Variants in SMYD1 observed in about 807,000 individuals in gnomAD.
The protein encoded by SMYD1 is histone-lysine N-methyltransferase SMYD1.
In SMYD1, 49 loss-of-function variants were observed where a neutral mutation model predicts 54.0. The ratio of observed to expected loss-of-function variants is 0.91; its 90% CI spans 0.72 to 1.15. The LOEUF is 1.15. Ranked by LOEUF, SMYD1 falls within the 50% of genes most tolerant of loss-of-function variation. The pLI, the probability that SMYD1 is intolerant of heterozygous loss-of-function variation, is 0.00. For synonymous variants in SMYD1, 269 were observed against 234.2 expected, an observed-to-expected ratio of 1.15 and a Z score of -1.36; for missense variants, 653 against 639.6, an observed-to-expected ratio of 1.02 and a Z score of -0.23.
intron 1 of SMYD1, among the ~76,000 whole-genome samples, chr2:88,073,861 C>G (rs1046277573): frequency 6.6e-6 from 1 of 152,076 alleles, no homozygotes; most frequent in Non-Finnish European, 1.5e-5. Flanking sequence ...AACATTTGTT[C>G]TTTTATGAAT....
rs1558862106 is a variant in SMYD1, at chr2:88,112,064, A to G, written c.*1552A>G. ...CACTTTTGCAAAATACTTGTATCTG[A>G]CACTTAGGTCTTGTTTGAAGAATTT... is the stretch of plus-strand genomic sequence containing the variant. On this transcript the variant is annotated 3_prime_UTR_variant, in exon 10 of 10. Coordinates refer to ENST00000419482, the MANE Select transcript of SMYD1 (RefSeq NM_198274.4). The G allele has an allele frequency of 2.8e-6, 2 of 703,134 alleles. No homozygotes were observed. Among genetic ancestry groups the G allele is most frequent in the Non-Finnish European group, 2.6e-6 (1 of 385,040 alleles). 43.6% of individuals were successfully genotyped at this position (703,134 alleles called of 1,614,324 possible).
intron 3 of SMYD1, 77 bp downstream of exon 3, chr2:88,088,152 G>C: frequency 6.9e-7 from 1 of 1,449,060 alleles, no homozygotes; most frequent in Non-Finnish European, 9.3e-7. Flanking sequence ...GGGGAGGGTG[G>C]GGCTTCTCAG....
At chr2:88,096,398 G>A (rs1035000427) in intron 5 of SMYD1, among the ~76,000 whole-genome samples, 197 bp from the exon 6 acceptor site, 2 of 152,204 alleles carry the variant, frequency 1.3e-5, no homozygotes, top group Non-Finnish European at 2.9e-5. Context: ...GGATCAGACG[G>A]TTCTAAGGAA....
chr2:88,110,957 G>A lies in SMYD1; in HGVS notation c.*445G>A. 6.4e-6 allele frequency: 1 copy of A among 156,192 alleles called. No homozygotes were observed. The highest frequency in any genetic ancestry group is 1.4e-5 in the Non-Finnish European group (1 of 70,642). 9.7% of individuals were successfully genotyped at this position (156,192 alleles called of 1,614,324 possible). On this transcript the variant is annotated 3_prime_UTR_variant, in exon 10 of 10. Transcript: ENST00000419482. ...GACATCTGAGTTGAGGGTAGCAGGTGCCTGGAGTCTCAGGTGGCTGCTCAC... is the reference window on the plus strand; with the variant it reads ...GACATCTGAGTTGAGGGTAGCAGGTACCTGGAGTCTCAGGTGGCTGCTCAC...
chr2:88,068,023 C>T (rs752783552), intron 1 of SMYD1, 22 bp downstream of exon 1: 5 of 1,603,088 alleles, frequency 3.1e-6, no homozygotes, highest in Middle Eastern at 1.9e-4. Flanking sequence ...GGGGAGTTGC[C>T]TTCTCTCCTG....
At chr2:88,088,117 C>G (rs1164415151) in intron 3 of SMYD1, 42 bp downstream of exon 3, 1 of 1,550,710 alleles carries the variant, frequency 6.4e-7, no homozygotes, top group Admixed American at 1.9e-5. Context: ...CTGTCTGTCT[C>G]CTCTTTCCTT....
At position 88,108,369 on chromosome 2, in the gene SMYD1, A is replaced by G; in HGVS notation, c.1146-2A>G. 1.3e-6 allele frequency: 2 copies of G among 1,577,600 alleles called. No individual in the cohort carries two copies. Among genetic ancestry groups the G allele is most frequent in the Non-Finnish European group, 1.7e-6 (2 of 1,164,754 alleles). Reference sequence around the variant, plus strand: ...GTATAATTATCTGCTATGCTCCCACAGGAAGCTCTACCACCCCAACAATGC... The same window carrying G: ...GTATAATTATCTGCTATGCTCCCACGGGAAGCTCTACCACCCCAACAATGC... On this transcript the variant is annotated splice_acceptor_variant, in intron 8 of 9. Transcript: ENST00000419482. LOFTEE classifies it high-confidence loss of function.
rs147060610 is a variant in SMYD1, at chr2:88,075,962, A to G, written c.137+7961A>G. Among the ~76,000 whole-genome samples, 104 of 152,264 alleles carry G rather than the reference A, an allele frequency of 6.8e-4. No homozygotes were observed. The East Asian group carries it at 0.015, about 22-fold the overall frequency. ...CCCCACACCGACACATTTGCCTATC[A>G]GTGCCTCTTTCTGGAAGACCTCAAC... On this transcript the variant is annotated intron_variant, in intron 1 of 9. Transcript: ENST00000419482.
rs1481581789 is a variant in SMYD1, at chr2:88,089,583, C to CTCTTTTTTTTTT, written c.529-1428_529-1427insCTTTTTTTTTTT. Among the ~76,000 whole-genome samples, 3 of 115,004 alleles carry CTCTTTTTTTTTT rather than the reference C, an allele frequency of 2.6e-5. 1 individual carries two copies. Among genetic ancestry groups the CTCTTTTTTTTTT allele is most frequent in the African/African-American group, 1.1e-4 (3 of 27,180 alleles). The allele number at this position is 115,004 out of a possible 152,430, so 75.4% of individuals were successfully genotyped here. A position where few individuals can be genotyped will look rare whatever the true frequency, so the allele number is the denominator to read the frequency against. On this transcript the variant is annotated intron_variant, in intron 3 of 9. Transcript: ENST00000419482. ...TATTTTCAGGAGCCAGAGCTTCTAC[C>CTCTTTTTTTTTT]TGTTTTTTTTTTTTTTTTTTTTTTT...
chr2:88,091,975 G>T (rs1674471842), intron 4 of SMYD1, among the ~76,000 whole-genome samples: 1 of 152,190 alleles, frequency 6.6e-6, no homozygotes, highest in African/African-American at 2.4e-5. Context: ...CCACCTCTAG[G>T]CCTGGAAGGG....
intron 1 of SMYD1, among the ~76,000 whole-genome samples, chr2:88,076,245 C>A (rs1171856420): frequency 6.6e-6 from 1 of 152,118 alleles, no homozygotes; most frequent in African/African-American, 2.4e-5. Context: ...GACAGAGTCT[C>A]GCTCTGTCGC....
intron 1 of SMYD1, among the ~76,000 whole-genome samples, chr2:88,081,628 G>T (rs571394239): frequency 7.2e-5 from 11 of 152,080 alleles, no homozygotes; most frequent in South Asian, 4.2e-4. Flanking sequence ...TAGAGACAGG[G>T]TTTTACCATG....
chr2:88,093,025 G>A (rs1039232381), intron 4 of SMYD1, among the ~76,000 whole-genome samples: 1 of 152,196 alleles, frequency 6.6e-6, no homozygotes, highest in South Asian at 2.1e-4. Flanking sequence ...AAGAACCCTA[G>A]ACATGGGGTT....
At chr2:88,087,133 T>C (rs560957065) in intron 2 of SMYD1, among the ~76,000 whole-genome samples, 16 of 147,690 alleles carry the variant, frequency 1.1e-4, no homozygotes, top group African/African-American at 4.0e-4. Flanking sequence ...TGCAGACACC[T>C]ATTACTTCAC....
intron 1 of SMYD1, among the ~76,000 whole-genome samples, chr2:88,073,310 T>C (rs564844085): frequency 3.3e-5 from 5 of 152,328 alleles, no homozygotes; most frequent in African/African-American, 1.2e-4. Context: ...CAATCCACCA[T>C]TGATGGGCAC....
chr2:88,085,770 G>T (rs1013323467), intron 2 of SMYD1, among the ~76,000 whole-genome samples: 2 of 152,162 alleles, frequency 1.3e-5, no homozygotes, highest in Non-Finnish European at 2.9e-5. Flanking sequence ...GCTGCCCTGG[G>T]CTCCCTGTGA....
intron 7 of SMYD1, among the ~76,000 whole-genome samples, 199 bp downstream of exon 7, chr2:88,103,349 C>G (rs957853246): frequency 1.3e-5 from 2 of 152,138 alleles, no homozygotes; most frequent in Non-Finnish European, 2.9e-5. Flanking sequence ...GGTGCGTTCT[C>G]AGTGACTGTT....
rs1165073996 is a variant in SMYD1, at chr2:88,112,350, T to C, written c.*1838T>C. 1.7e-6 allele frequency: 1 copy of C among 581,362 alleles called. No homozygotes were observed. The highest frequency in any genetic ancestry group is 1.9e-5 in the African/African-American group (1 of 53,702). The allele number at this position is 581,362 out of a possible 1,614,324, so 36.0% of individuals were successfully genotyped here. ...TATTTGTTGTCTTTAACAAACTGTG[T>C]TCTGTGTCTGTGCTCCTCCTTCCCT... On this transcript the variant is annotated 3_prime_UTR_variant, in exon 10 of 10. Coordinates refer to ENST00000419482, the MANE Select transcript of SMYD1 (RefSeq NM_198274.4).
intron 5 of SMYD1, among the ~76,000 whole-genome samples, chr2:88,096,046 C>T (rs1360867115): frequency 6.6e-6 from 1 of 152,182 alleles, no homozygotes; most frequent in African/African-American, 2.4e-5. Context: ...CTTCAGTGAT[C>T]TCCAGTGGGC....
Sources: gnomAD v4.1 joint callset for allele counts (sites outside exome capture counted in the v4.1 genomes callset) on GRCh38, gnomAD v4.1.1 for gene constraint, MANE v1.5 for transcripts, NCBI Gene and HGNC (gene_info 2026-07-23, HGNC 2026-07-21) for gene names.